The following NALCN variants were observed in gnomAD, a reference collection of about 807,000 sequenced individuals.
NALCN encodes the protein sodium leak channel NALCN.
In NALCN, 111 loss-of-function variants were observed where a neutral mutation model predicts 225.3. The observed-to-expected ratio is 0.49, with a 90% confidence interval of 0.42 to 0.58. The LOEUF is 0.58. Among genes scored for constraint, NALCN ranks in the 20% least tolerant of loss-of-function variants. The probability of loss-of-function intolerance (pLI) is 0.00; values close to 1 mark genes in which losing one functional copy is unlikely to be tolerated. For missense variants in NALCN, 1,378 were observed against 2,202.4 expected (o/e 0.63, Z 7.49); for synonymous variants, 764 against 769.0 (o/e 0.99, Z 0.11).
chr13:101,094,676 T>C (rs1194428530), intron 28 of NALCN, among the ~76,000 whole-genome samples: 1 of 152,092 alleles, frequency 6.6e-6, no homozygotes, highest in Non-Finnish European at 1.5e-5. Flanking sequence ...TCTTGGATAT[T>C]TTAAAAAATA....
At chr13:101,264,001 T>A (rs2042517566) in intron 10 of NALCN, among the ~76,000 whole-genome samples, 1 of 152,194 alleles carries the variant, frequency 6.6e-6, no homozygotes, top group Non-Finnish European at 1.5e-5. Context: ...AAATTTATAC[T>A]TTTCAATTTT....
intron 11 of NALCN, among the ~76,000 whole-genome samples, chr13:101,242,897 C>A (rs1255730362): frequency 9.5e-6 from 1 of 105,420 alleles, no homozygotes; most frequent in African/African-American, 3.4e-5. Context: ...TTCCACTTTC[C>A]AGTATTGTAG....
chr13:101,413,559 G>C (rs2047846497), intron 1 of NALCN, among the ~76,000 whole-genome samples: 1 of 151,610 alleles, frequency 6.6e-6, no homozygotes, highest in South Asian at 2.1e-4. Context: ...TAAATATTCA[G>C]TGGTAAAAAC....
chr13:101,061,919 AGGGCG>A (rs752066253), intron 41 of NALCN, 44 bp downstream of exon 41: 84 of 1,367,754 alleles, frequency 6.1e-5, no homozygotes, highest in Non-Finnish European at 7.5e-5. Context: ...CCTGCGGGGC[AGGGCG>A]GGGCGGGGCG....
In NALCN at chr13:101,399,262, A is replaced by G. The variant is rs2047399712; in HGVS notation, c.-39-97T>C. The G allele has an allele frequency of 4.1e-6, 3 of 736,434 alleles. No homozygotes were observed. The East Asian group carries it at 8.4e-5, about 21-fold the overall frequency. 45.6% of individuals were successfully genotyped at this position (736,434 alleles called of 1,614,324 possible). Reference sequence around the variant, plus strand: ...ATATCTACTTATTTGTAAGGCATATATGTGTTCTACTCCATAGTGTATAAT... The same window carrying G: ...ATATCTACTTATTTGTAAGGCATATGTGTGTTCTACTCCATAGTGTATAAT... On this transcript the variant is annotated intron_variant, in intron 1 of 43. Transcript: ENST00000251127.
intron 41 of NALCN, 126 bp downstream of exon 41, chr13:101,061,842 A>T: frequency 1.2e-6 from 1 of 857,496 alleles, no homozygotes; most frequent in Non-Finnish European, 1.8e-6. Flanking sequence ...GACATAGTTT[A>T]AAGGGATAGA....
In NALCN at chr13:101,237,953, A is replaced by G. The variant is rs751320149; in HGVS notation, c.1267-31T>C. 4.0e-5 allele frequency: 62 copies of G among 1,550,764 alleles called. No homozygotes were observed. The South Asian group carries it at 6.8e-4, about 17-fold the overall frequency. ...GAAACAAAGAAACATTGAAATTGAA[A>G]TTCAGAACTATAATTTATTCTAAAT... is the stretch of plus-strand genomic sequence containing the variant. On this transcript the variant is annotated intron_variant, in intron 11 of 43. Transcript: ENST00000251127.
intron 6 of NALCN, among the ~76,000 whole-genome samples, chr13:101,348,070 C>A (rs1159247466): frequency 1.3e-5 from 2 of 152,248 alleles, no homozygotes; most frequent in South Asian, 2.1e-4. Context: ...GAAGGGTCTA[C>A]TAGCCCATCA....
At chr13:101,304,780 G>A (rs1031491358) in intron 7 of NALCN, among the ~76,000 whole-genome samples, 12 of 125,422 alleles carry the variant, frequency 9.6e-5, no homozygotes, top group Non-Finnish European at 1.9e-4. Context: ...TTTTTGAGAC[G>A]GAATCTTGCT....
chr13:101,347,549 T>C (rs2045779122), intron 6 of NALCN, among the ~76,000 whole-genome samples: 1 of 152,178 alleles, frequency 6.6e-6, no homozygotes, highest in Non-Finnish European at 1.5e-5. Flanking sequence ...GAATGTGTGG[T>C]ACAAATACTA....
intron 13 of NALCN, among the ~76,000 whole-genome samples, chr13:101,210,356 G>A (rs143191948): frequency 7.4e-4 from 112 of 152,192 alleles, no homozygotes; most frequent in Middle Eastern, 6.8e-3. Flanking sequence ...GGCACACTAA[G>A]ACTCTGGGTG....
At chr13:101,171,471 C>T (rs1388887438) in intron 15 of NALCN, among the ~76,000 whole-genome samples, 1 of 151,566 alleles carries the variant, frequency 6.6e-6, no homozygotes, top group Non-Finnish European at 1.5e-5. Flanking sequence ...TCTGTATTGG[C>T]TTTTGGGGAT....
rs58967712 is a variant in NALCN at position 101,380,084 on chromosome 13, C to CATATATAT, written c.292-1432_292-1431insATATATAT. ...GTATATATGTGGATGTATATATACACATATATACATTTTTTCTCATTGTCA... is the reference window on the plus strand; with the variant it reads ...GTATATATGTGGATGTATATATACACATATATATATATATACATTTTTTCTCATTGTCA... On this transcript the variant is annotated intron_variant, in intron 3 of 43. Transcript: ENST00000251127. Among the ~76,000 whole-genome samples, 19 of 151,714 alleles carry CATATATAT rather than the reference C, an allele frequency of 1.3e-4. No individual in the cohort carries two copies. The South Asian group carries it at 1.7e-3, about 13-fold the overall frequency.
intron 15 of NALCN, among the ~76,000 whole-genome samples, chr13:101,173,133 T>C (rs2038813013): frequency 6.6e-6 from 1 of 152,216 alleles, no homozygotes; most frequent in African/African-American, 2.4e-5. Context: ...TTAGATCCTC[T>C]GAGTTTTGAG....
chr13:101,207,757 G>T (rs550444101), intron 13 of NALCN, among the ~76,000 whole-genome samples: 19 of 152,202 alleles, frequency 1.2e-4, no homozygotes, highest in Non-Finnish European at 2.8e-4. Flanking sequence ...GGTGGGGCCA[G>T]ATAAGGGAAT....
chr13:101,275,477 A>C (rs780771814), intron 10 of NALCN, among the ~76,000 whole-genome samples: 2 of 152,190 alleles, frequency 1.3e-5, no homozygotes, highest in Non-Finnish European at 2.9e-5. Flanking sequence ...TCTCAAACCC[A>C]GGAAAACTGC....
At position 101,058,014 on chromosome 13, in the gene NALCN, G is replaced by T. The variant is rs1160329724; in HGVS notation, c.4948C>A (p.Arg1650=). Residue 1650 remains arginine, a synonymous_variant, in exon 43 of 44, where the codon CGA becomes AGA. Coordinates refer to ENST00000251127, the MANE Select transcript of NALCN (RefSeq NM_052867.4). ...QQLLSPTLSD[R]GGSRQDAADA... ...GCTGCATCTTGCCGACTTCCTCCTC[G>T]ATCCGACAGCGTGGGGCTCAGGAGC... The T allele has an allele frequency of 1.9e-6, 3 of 1,613,698 alleles. No homozygotes were observed. The South Asian group carries it at 3.3e-5, about 18-fold the overall frequency.
chr13:101,220,503 T>G (rs1477688809), intron 13 of NALCN, among the ~76,000 whole-genome samples: 1 of 152,230 alleles, frequency 6.6e-6, no homozygotes, highest in African/African-American at 2.4e-5. Context: ...CTTGTAAAAT[T>G]TTATTACTCT....
At chr13:101,095,500 C>A in intron 28 of NALCN, 74 bp downstream of exon 28, 2 of 1,181,060 alleles carry the variant, frequency 1.7e-6, no homozygotes, top group Non-Finnish European at 2.4e-6. Flanking sequence ...AGTTACATGC[C>A]ATATGATACT....
Sources: allele counts gnomAD v4.1 joint callset (sites outside exome capture counted in the v4.1 genomes callset), GRCh38; gene constraint gnomAD v4.1.1; transcripts MANE v1.5; gene names NCBI Gene and HGNC (gene_info 2026-07-23, HGNC 2026-07-21).